Variants in RAPGEF5 observed in about 807,000 individuals in gnomAD.
RAPGEF5 encodes the protein Rap guanine nucleotide exchange factor 5, also known as M-Ras-regulated GEF.
RAPGEF5 carries 65 observed loss-of-function variants against 125.2 expected under a neutral mutation model. The ratio of observed to expected loss-of-function variants is 0.52; its 90% CI spans 0.43 to 0.64. The LOEUF is 0.64. RAPGEF5 is among the 30% of genes least tolerant of loss of function. The pLI is 0.00. For missense variants in RAPGEF5, 958 were observed against 1,048.1 expected (o/e 0.91, Z 1.19); for synonymous variants, 391 against 385.9 (o/e 1.01, Z -0.16).
At chr7:22,280,240 C>T (rs1782645208) in intron 6 of RAPGEF5, among the ~76,000 whole-genome samples, 1 of 152,108 alleles carries the variant, frequency 6.6e-6, no homozygotes, top group Non-Finnish European at 1.5e-5. Context: ...ACCCTGAGGC[C>T]GGATTGTAAC....
chr7:22,143,191 C>T (rs1783319920), intron 20 of RAPGEF5, among the ~76,000 whole-genome samples: 1 of 152,042 alleles, frequency 6.6e-6, no homozygotes, highest in African/African-American at 2.4e-5. Flanking sequence ...ACACAATGGC[C>T]AAATTTTTTT....
intron 24 of RAPGEF5, among the ~76,000 whole-genome samples, chr7:22,128,426 G>T (rs1014686523): frequency 6.6e-6 from 1 of 152,146 alleles, no homozygotes; most frequent in Non-Finnish European, 1.5e-5. Flanking sequence ...TGAATTATCT[G>T]TTAGCTGGCT....
At chr7:22,278,182 C>T (rs1583542464) in intron 6 of RAPGEF5, among the ~76,000 whole-genome samples, 1 of 152,168 alleles carries the variant, frequency 6.6e-6, no homozygotes, top group African/African-American at 2.4e-5. Context: ...AAATTCATCT[C>T]AAATTAACTC....
At chr7:22,310,188 CT>C (rs970641504) in intron 3 of RAPGEF5, 98 bp from the exon 4 acceptor site, 2 of 1,268,088 alleles carry the variant, frequency 1.6e-6, no homozygotes, top group Non-Finnish European at 2.0e-6. Context: ...CATGTGCTTG[CT>C]TTTTTTAGAC....
At chr7:22,196,029 A>C (rs749821364) in intron 9 of RAPGEF5, among the ~76,000 whole-genome samples, 2 of 152,216 alleles carry the variant, frequency 1.3e-5, no homozygotes, top group African/African-American at 4.8e-5. Flanking sequence ...ATGGCTGTGC[A>C]CACAGCAGCC....
chr7:22,308,475 C>T lies in RAPGEF5; in HGVS notation c.544G>A (p.Val182Ile). ...DQHLYFQDTY[V>I]FYQFSSDECS... ...TCATCAGAGGAAAACTGGTAGAAAACATAAGTATCTTGAAAGTATAGATGC... is the reference window on the plus strand; with the variant it reads ...TCATCAGAGGAAAACTGGTAGAAAATATAAGTATCTTGAAAGTATAGATGC... Residue 182 changes from valine to isoleucine, a missense_variant, in exon 5 of 26, where the codon GTT (valine) becomes ATT (isoleucine). Transcript: ENST00000665637. 1.3e-6 allele frequency: 2 copies of T among 1,565,806 alleles called. No homozygotes were observed. The highest frequency in any genetic ancestry group is 1.9e-5 in the Admixed American group (1 of 53,086).
intron 7 of RAPGEF5, among the ~76,000 whole-genome samples, chr7:22,255,040 T>G (rs1786721944): frequency 6.6e-6 from 1 of 152,130 alleles, no homozygotes; most frequent in Non-Finnish European, 1.5e-5. Flanking sequence ...TCCTGGGGTT[T>G]CCTACTTGAA....
intron 1 of RAPGEF5, among the ~76,000 whole-genome samples, chr7:22,338,495 C>T (rs184435958): frequency 3.9e-5 from 6 of 152,278 alleles, no homozygotes; most frequent in Non-Finnish European, 8.8e-5. Flanking sequence ...TTTACCTTCC[C>T]CACTGGACTT....
At chr7:22,130,746 A>G (rs1782889774) in intron 24 of RAPGEF5, among the ~76,000 whole-genome samples, 1 of 152,238 alleles carries the variant, frequency 6.6e-6, no homozygotes. Flanking sequence ...TGGTTCAATA[A>G]TATACCCTCA....
chr7:22,182,415 A>G (rs778655268), intron 11 of RAPGEF5, among the ~76,000 whole-genome samples: 1 of 152,200 alleles, frequency 6.6e-6, no homozygotes, highest in African/African-American at 2.4e-5. Flanking sequence ...AACTGACACA[A>G]TATCTTGTCT....
chr7:22,200,887 A>G (rs1785262271), intron 9 of RAPGEF5, among the ~76,000 whole-genome samples: 1 of 152,234 alleles, frequency 6.6e-6, no homozygotes, highest in Non-Finnish European at 1.5e-5. Context: ...GCATCTTGAA[A>G]TATAAAGTCA....
At chr7:22,165,280 A>G (rs1457096872) in intron 12 of RAPGEF5, among the ~76,000 whole-genome samples, 1 of 152,220 alleles carries the variant, frequency 6.6e-6, no homozygotes, top group African/African-American at 2.4e-5. Context: ...AAATTATTAA[A>G]TGACAATCAC....
At chr7:22,352,050 A>G (rs17146725) in intron 1 of RAPGEF5, among the ~76,000 whole-genome samples, 14,551 of 152,242 alleles carry the variant, frequency 0.096, 822 homozygotes, top group Admixed American at 0.13. Context: ...CTGATGACCA[A>G]TCCAAAAGCT....
chr7:22,356,614 G>T, intron 1 of RAPGEF5: 1 of 204,240 alleles, frequency 4.9e-6, no homozygotes, highest in East Asian at 1.1e-4. Flanking sequence ...GGTGCAGCCT[G>T]GTGGGGGGGA....
chr7:22,168,312 A>C (rs1442314286), intron 11 of RAPGEF5, among the ~76,000 whole-genome samples: 1 of 152,192 alleles, frequency 6.6e-6, no homozygotes, highest in Non-Finnish European at 1.5e-5. Flanking sequence ...CTACCATACA[A>C]GTATCGAGGA....
At chr7:22,315,562 T>TGA in intron 2 of RAPGEF5, 86 bp from the exon 3 acceptor site, 2 of 607,894 alleles carry the variant, frequency 3.3e-6, no homozygotes, top group Non-Finnish European at 4.2e-6. Flanking sequence ...TATATATATA[T>TGA]ATATATTTAT....
rs189350843 is a variant in RAPGEF5, at chr7:22,144,941, C to T, written c.2186+103G>A. 1.3e-4 allele frequency: 178 copies of T among 1,319,472 alleles called. No individual in the cohort carries two copies. The African/African-American group carries it at 1.8e-3, about 13-fold the overall frequency. 81.7% of individuals were successfully genotyped at this position (1,319,472 alleles called of 1,614,324 possible). A position where few individuals can be genotyped will look rare whatever the true frequency, so the allele number is the denominator to read the frequency against. On this transcript the variant is annotated intron_variant, in intron 20 of 25. Coordinates refer to ENST00000665637, the MANE Select transcript of RAPGEF5 (RefSeq NM_012294.5). ...TTTAGTCATTTAACTCCATATTACA[C>T]GTTTATATCCCAACCCTTATCATCA...
intron 17 of RAPGEF5, among the ~76,000 whole-genome samples, chr7:22,153,530 T>A (rs1783699434): frequency 1.3e-5 from 2 of 152,120 alleles, no homozygotes. Flanking sequence ...TCAACCAGCT[T>A]GTAGGACCAT....
At chr7:22,255,159 T>C (rs899827456) in intron 7 of RAPGEF5, among the ~76,000 whole-genome samples, 1 of 152,170 alleles carries the variant, frequency 6.6e-6, no homozygotes, top group Non-Finnish European at 1.5e-5. Context: ...TATAAGGTCA[T>C]ATAGGATACA....
Sources: allele counts gnomAD v4.1 joint callset (sites outside exome capture counted in the v4.1 genomes callset), GRCh38; gene constraint gnomAD v4.1.1; transcripts MANE v1.5; gene names NCBI Gene and HGNC (gene_info 2026-07-23, HGNC 2026-07-21).